The following SBSPON variants were observed in gnomAD, a reference collection of about 807,000 sequenced individuals.
The protein encoded by SBSPON is somatomedin-B and thrombospondin type-1 domain-containing protein.
Under a neutral mutation model 35.8 loss-of-function variants are expected in SBSPON, and 30 were observed. That is an observed-to-expected ratio of 0.84 (90% CI 0.63 to 1.14). The LOEUF (loss-of-function observed/expected upper bound fraction) is 1.14. Ranked by LOEUF, SBSPON falls within the 50% of genes most tolerant of loss-of-function variation. The probability of loss-of-function intolerance (pLI) is 0.00; values close to 1 mark genes in which losing one functional copy is unlikely to be tolerated. For synonymous variants in SBSPON, 136 were observed against 135.9 expected (o/e 1.00, Z 0.00); for missense variants, 364 against 357.7 (o/e 1.02, Z -0.14).
chr8:73,092,744 G>T (rs1190672727), intron 1 of SBSPON, 110 bp downstream of exon 1: 1 of 795,224 alleles, frequency 1.3e-6, no homozygotes, highest in Non-Finnish European at 2.1e-6. Context: ...GGGATAAAGG[G>T]TCTGGAGGAC....
chr8:73,084,075 T>C (rs1810770130), intron 1 of SBSPON, among the ~76,000 whole-genome samples: 1 of 151,892 alleles, frequency 6.6e-6, no homozygotes, highest in Admixed American at 6.6e-5. Context: ...AGACAGAAAA[T>C]AAAAAAAGCT....
rs1479168466 is a variant in SBSPON at position 73,092,972 on chromosome 8, C to G, written c.96G>C (p.Arg32=). 19 of 1,589,544 alleles carry G rather than the reference C, an allele frequency of 1.2e-5. No individual in the cohort carries two copies. The highest frequency in any genetic ancestry group is 1.6e-5 in the Non-Finnish European group (19 of 1,170,494). The change falls in exon 1 of 5, where the codon CGG becomes CGC. Residue 32 remains arginine (R), a synonymous_variant. Coordinates refer to ENST00000297354, the MANE Select transcript of SBSPON (RefSeq NM_153225.4). ...AGCCGCGGGCGAAGCAGGCGGGGTC[C>G]CGGCCGGGACAGCAGCGCCCGGCCT... ...CAEAGRCCPG[R]DPACFARGWR... is the part of the protein sequence containing the mutation.
In SBSPON at chr8:73,071,747, C is replaced by G; in HGVS notation, c.500+33G>C. The G allele has an allele frequency of 3.2e-6, 4 of 1,235,740 alleles. No individual in the cohort carries two copies. In the South Asian group the frequency reaches 5.2e-5, roughly 16 times the overall value. The allele number at this position is 1,235,740 out of a possible 1,614,324, so 76.5% of individuals were successfully genotyped here. A position where few individuals can be genotyped will look rare whatever the true frequency, so the allele number is the denominator to read the frequency against. On this transcript the variant is annotated intron_variant, in intron 3 of 4. Transcript: ENST00000297354. ...TTGACTTGACTATACAATTGAAAAA[C>G]ATGATTAAAAAAAAAAAAAAACACG... is the stretch of plus-strand genomic sequence containing the variant.
At chr8:73,079,120 C>T (rs965336395) in intron 2 of SBSPON, among the ~76,000 whole-genome samples, 1 of 152,302 alleles carries the variant, frequency 6.6e-6, no homozygotes, top group African/African-American at 2.4e-5. Context: ...GACAAACAGG[C>T]AGATTTTTAG....
chr8:73,067,503 G>A (rs770150988), intron 4 of SBSPON, 45 bp from the exon 5 acceptor site: 11 of 1,160,558 alleles, frequency 9.5e-6, no homozygotes, highest in African/African-American at 1.6e-5. Context: ...AAAGCATACC[G>A]AAGAAAGGTC....
At position 73,093,022 on chromosome 8, in the gene SBSPON, G is replaced by T. The variant is rs1357265372; in HGVS notation, c.46C>A (p.Pro16Thr). Residue 16 changes from proline (P) to threonine (T), a missense_variant, in exon 1 of 5, where the codon CCC becomes ACC. Coordinates refer to ENST00000297354, the MANE Select transcript of SBSPON (RefSeq NM_153225.4). ...TCGGCGCAGCCGGCCTGGGCCCCGG[G>T]CCACAGCCGCGACAGCGCGCACAGC... is the stretch of plus-strand genomic sequence containing the variant. ...MALCALSRLW[P>T]GAQAGCAEAG... The T allele has an allele frequency of 7.1e-7, 1 of 1,402,334 alleles. No individual in the cohort carries two copies. Among genetic ancestry groups the T allele is most frequent in the East Asian group, 3.1e-5 (1 of 32,646 alleles). 86.9% of individuals were successfully genotyped at this position (1,402,334 alleles called of 1,614,324 possible).
Position 73,093,033 on chromosome 8 carries a change from G to A in SBSPON, c.35C>T (p.Ser12Leu). 1 of 1,388,088 alleles carries A rather than the reference G, an allele frequency of 7.2e-7. No homozygotes were observed. Among genetic ancestry groups the A allele is most frequent in the Admixed American group, 4.0e-5 (1 of 24,922 alleles). 86.0% of individuals were successfully genotyped at this position (1,388,088 alleles called of 1,614,324 possible). A position where few individuals can be genotyped will look rare whatever the true frequency, so the allele number is the denominator to read the frequency against. Residue 12 changes from serine (S) to leucine (L), a missense_variant, in exon 1 of 5, where the codon TCG (serine) becomes TTG (leucine). By Grantham distance (145) the Ser-to-Leu change is moderately radical (BLOSUM62 -2). Coordinates refer to ENST00000297354, the MANE Select transcript of SBSPON (RefSeq NM_153225.4). ...RTLWMALCALSRLWPGAQAGC... is the reference protein window; with the variant it reads ...RTLWMALCALLRLWPGAQAGC... ...GGCCTGGGCCCCGGGCCACAGCCGC[G>A]ACAGCGCGCACAGCGCCATCCACAG...
intron 2 of SBSPON, among the ~76,000 whole-genome samples, chr8:73,079,582 TACCTCAGCCCCACAC>T (rs1276185878): frequency 6.8e-6 from 1 of 147,864 alleles, no homozygotes; most frequent in Admixed American, 6.6e-5. Context: ...CAGCCCCACA[TACCTCAGCCCCACAC>T]ACCTCAGCCC....
At chr8:73,092,109 G>A (rs73687093) in intron 1 of SBSPON, among the ~76,000 whole-genome samples, 2,402 of 152,170 alleles carry the variant, frequency 0.016, 42 homozygotes, top group African/African-American at 0.054. Flanking sequence ...GAGCCCTTAC[G>A]GGGACAAGGA....
chr8:73,090,028 C>T (rs147521770), intron 1 of SBSPON, among the ~76,000 whole-genome samples: 126 of 152,316 alleles, frequency 8.3e-4, no homozygotes, highest in Middle Eastern at 3.4e-3. Flanking sequence ...TACAAGGGCA[C>T]CACCACACCC....
chr8:73,086,686 G>C (rs762929253), intron 1 of SBSPON, among the ~76,000 whole-genome samples: 7 of 151,896 alleles, frequency 4.6e-5, no homozygotes, highest in Non-Finnish European at 7.4e-5. Flanking sequence ...AGTTCCTGAA[G>C]TACTAGCAAG....
intron 1 of SBSPON, chr8:73,083,864 A>C (rs1326634776): frequency 2.6e-5 from 4 of 152,208 alleles, no homozygotes; most frequent in Non-Finnish European, 5.9e-5. Flanking sequence ...GAAAGCCTAG[A>C]TTTAATGGGT....
chr8:73,064,892 G>C lies in SBSPON; in HGVS notation c.*2449C>G, dbSNP rs1397981587. ...GCACTTTTGAAAATCAGTCTATTAA[G>C]GGATTTTAGAGTTCGTAAATCTTTT... On this transcript the variant is annotated 3_prime_UTR_variant, in exon 5 of 5. Coordinates refer to ENST00000297354, the MANE Select transcript of SBSPON (RefSeq NM_153225.4). 2.0e-5 allele frequency: 3 copies of C among 152,000 alleles called. No homozygotes were observed. The highest frequency in any genetic ancestry group is 2.0e-4 in the Admixed American group (3 of 15,268). 9.4% of individuals were successfully genotyped at this position (152,000 alleles called of 1,614,324 possible).
At chr8:73,081,266 A>G in intron 1 of SBSPON, 53 bp from the exon 2 acceptor site, 3 of 1,442,522 alleles carry the variant, frequency 2.1e-6, no homozygotes, top group Non-Finnish European at 1.9e-6. Context: ...CCAGGCTGGC[A>G]GGCTGTTCCC....
chr8:73,092,309 G>A (rs1406737069), intron 1 of SBSPON, among the ~76,000 whole-genome samples: 1 of 152,218 alleles, frequency 6.6e-6, no homozygotes. Flanking sequence ...GTCCAGAGAT[G>A]AGGACATCTT....
intron 4 of SBSPON, among the ~76,000 whole-genome samples, chr8:73,068,836 G>A (rs1486349627): frequency 5.9e-5 from 9 of 152,174 alleles, no homozygotes; most frequent in Non-Finnish European, 1.3e-4. Context: ...TGTCTGGACT[G>A]TGAGTTAAGA....
intron 2 of SBSPON, among the ~76,000 whole-genome samples, chr8:73,080,537 G>A (rs2130018224): frequency 6.6e-6 from 1 of 152,096 alleles, no homozygotes; most frequent in East Asian, 1.9e-4. Flanking sequence ...AATAATAAAA[G>A]AATCACTTTA....
chr8:73,079,488 C>G (rs1198153468), intron 2 of SBSPON, among the ~76,000 whole-genome samples: 1 of 152,036 alleles, frequency 6.6e-6, no homozygotes, highest in Non-Finnish European at 1.5e-5. Flanking sequence ...CCAAATCCCT[C>G]AAACCCTCTA....
intron 1 of SBSPON, among the ~76,000 whole-genome samples, chr8:73,083,157 T>C (rs1810750030): frequency 6.6e-6 from 1 of 152,184 alleles, no homozygotes; most frequent in African/African-American, 2.4e-5. Context: ...ACAGTTGAAG[T>C]CCTCAAAATT....
Sources: gnomAD v4.1 joint callset for allele counts (sites outside exome capture counted in the v4.1 genomes callset) on GRCh38, gnomAD v4.1.1 for gene constraint, MANE v1.5 for transcripts, NCBI Gene and HGNC (gene_info 2026-07-23, HGNC 2026-07-21) for gene names.